Variants in INSC observed in about 807,000 individuals in gnomAD.
INSC encodes protein inscuteable homolog.
In INSC, 67 loss-of-function variants were observed where a neutral mutation model predicts 58.6. The ratio of observed to expected loss-of-function variants is 1.14; its 90% confidence interval spans 0.94 to 1.40. The LOEUF (loss-of-function observed/expected upper bound fraction) is 1.40. INSC is among the 40% of genes most tolerant of loss of function. The pLI, the probability that INSC is intolerant of heterozygous loss-of-function variation, is 0.00. For missense variants in INSC, 714 were observed against 692.0 expected (o/e 1.03, Z -0.36); for synonymous variants, 262 against 276.1 (o/e 0.95, Z 0.51).
intron 7 of INSC, among the ~76,000 whole-genome samples, chr11:15,214,490 C>T (rs1851141534): frequency 6.6e-6 from 1 of 152,206 alleles, no homozygotes; most frequent in South Asian, 2.1e-4. Flanking sequence ...AGCAGACTAG[C>T]ACCAGTGATA....
At position 15,202,488 on chromosome 11, in the gene INSC, GT is replaced by G. The variant is rs1425451854; in HGVS notation, c.819+1540del. On this transcript the variant is annotated intron_variant, in intron 7 of 12. Coordinates refer to ENST00000379556, the MANE Select transcript of INSC (RefSeq NM_001042536.3). ...GCAAAATAGAGGAGTGGAGAGGATG[GT>G]GAGAGAGAGAGGGAGAGACAGACAG... Among the ~76,000 whole-genome samples, 4 of 151,894 alleles carry G rather than the reference GT, an allele frequency of 2.6e-5. No homozygotes were observed. The South Asian group carries it at 6.2e-4, about 24-fold the overall frequency.
At chr11:15,250,297 T>G (rs1370054968), downstream of INSC, among the ~76,000 whole-genome samples, 1 of 152,228 alleles carries the variant, frequency 6.6e-6, no homozygotes, top group Non-Finnish European at 1.5e-5. Context: ...TTCTCTCATC[T>G]GTAAAGTAGG....
downstream of INSC, among the ~76,000 whole-genome samples, chr11:15,251,337 C>T (rs1238562675): frequency 6.6e-6 from 1 of 152,196 alleles, no homozygotes; most frequent in East Asian, 1.9e-4. Flanking sequence ...TCTTTATAAT[C>T]TTGGGTTAGA....
chr11:15,264,317 C>T, the INSC span, among the ~76,000 whole-genome samples: 6 of 148,732 alleles, frequency 4.0e-5, no homozygotes, highest in African/African-American at 9.9e-5. Flanking sequence ...TCTGCTGCGG[C>T]GGCTGCTGCG....
At chr11:15,131,721 G>A (rs987162106) in intron 1 of INSC, among the ~76,000 whole-genome samples, 8 of 151,910 alleles carry the variant, frequency 5.3e-5, no homozygotes, top group Non-Finnish European at 1.2e-4. Flanking sequence ...TCTCTTCATT[G>A]CCTTAAAGTT....
At chr11:15,250,702 A>G (rs12278403), downstream of INSC, among the ~76,000 whole-genome samples, 10,696 of 152,290 alleles carry the variant, frequency 0.07, 747 homozygotes, top group African/African-American at 0.18. Flanking sequence ...TTACTCTCAA[A>G]TTTAGTGGCT....
At chr11:15,220,354 C>G (rs941142318) in intron 7 of INSC, among the ~76,000 whole-genome samples, 1 of 152,176 alleles carries the variant, frequency 6.6e-6, no homozygotes, top group African/African-American at 2.4e-5. Context: ...GGTCCCCAGG[C>G]AGGCTGGTGT....
chr11:15,138,702 C>G (rs1848302819), intron 1 of INSC, among the ~76,000 whole-genome samples: 1 of 152,188 alleles, frequency 6.6e-6, no homozygotes. Flanking sequence ...CATTAACTAG[C>G]CTGCTGGGTC....
chr11:15,167,635 A>G (rs2133802519), intron 2 of INSC, among the ~76,000 whole-genome samples: 1 of 151,650 alleles, frequency 6.6e-6, no homozygotes, highest in African/African-American at 2.4e-5. Flanking sequence ...ATGCTCAGCT[A>G]ATTATTATTA....
At chr11:15,255,789 A>G in the INSC span, among the ~76,000 whole-genome samples, 2 of 151,268 alleles carry the variant, frequency 1.3e-5, no homozygotes, top group South Asian at 4.2e-4. Flanking sequence ...GAGGTCCTCA[A>G]AAGAAACTGT....
intron 1 of INSC, among the ~76,000 whole-genome samples, chr11:15,121,404 T>C (rs1310693557): frequency 6.6e-6 from 1 of 152,226 alleles, no homozygotes; most frequent in African/African-American, 2.4e-5. Flanking sequence ...TTCTACATGA[T>C]TAGATTCAAG....
chr11:15,237,079 A>G (rs1261463603), intron 10 of INSC, among the ~76,000 whole-genome samples: 5 of 152,186 alleles, frequency 3.3e-5, no homozygotes, highest in Admixed American at 6.5e-5. Flanking sequence ...TATGGTTCAC[A>G]AAGTGCTATT....
the INSC span, among the ~76,000 whole-genome samples, chr11:15,255,817 C>G: frequency 2.0e-5 from 3 of 150,414 alleles, no homozygotes; most frequent in South Asian, 2.1e-4. Flanking sequence ...AAATATAAAC[C>G]CTTAAAGGGA....
chr11:15,116,770 CT>C (rs146799479), intron 1 of INSC, among the ~76,000 whole-genome samples: 3,911 of 149,214 alleles, frequency 0.026, 160 homozygotes, highest in African/African-American at 0.086. Context: ...TCCATTCTTT[CT>C]TTTTTTCTTC....
At chr11:15,190,667 G>A in intron 5 of INSC, 34 bp from the exon 6 acceptor site, 1 of 1,448,062 alleles carries the variant, frequency 6.9e-7, no homozygotes, top group Non-Finnish European at 9.7e-7. Context: ...GAGGTGGTGA[G>A]TAACTACTAG....
Position 15,225,829 on chromosome 11 carries a change from G to T in INSC, c.1170+1G>T. ...GGACACGCCTTACACTCGGGACCAG[G>T]TAAGACGCCCAGAAGGCACTGAGCA... On this transcript the variant is annotated splice_donor_variant, in intron 9 of 12. Transcript: ENST00000379556. LOFTEE classifies it high-confidence loss of function. The T allele has an allele frequency of 6.2e-7, 1 of 1,611,142 alleles. No homozygotes were observed. Among genetic ancestry groups the T allele is most frequent in the Non-Finnish European group, 8.5e-7 (1 of 1,178,686 alleles).
the INSC span, among the ~76,000 whole-genome samples, chr11:15,262,902 A>G: frequency 6.6e-6 from 1 of 152,110 alleles, no homozygotes; most frequent in Non-Finnish European, 1.5e-5. Context: ...CTAGACCTAC[A>G]CTGAATATAG....
At chr11:15,217,588 G>A (rs1343190737) in intron 7 of INSC, among the ~76,000 whole-genome samples, 3 of 152,170 alleles carry the variant, frequency 2.0e-5, no homozygotes, top group African/African-American at 7.2e-5. Context: ...GGCTGTGCAA[G>A]AGCTGCTGAG....
At chr11:15,228,029 CAAAT>C (rs1851708239) in intron 9 of INSC, among the ~76,000 whole-genome samples, 1 of 152,080 alleles carries the variant, frequency 6.6e-6, no homozygotes, top group Admixed American at 6.5e-5. Flanking sequence ...AAAATGGAAA[CAAAT>C]AATACATATT....
Sources: gnomAD v4.1 joint callset for allele counts (sites outside exome capture counted in the v4.1 genomes callset) on GRCh38, gnomAD v4.1.1 for gene constraint, MANE v1.5 for transcripts, NCBI Gene and HGNC (gene_info 2026-07-23, HGNC 2026-07-21) for gene names.